TBC1D9B: variants seen among roughly 807,000 people sequenced by gnomAD.
TBC1D9B encodes TBC1 domain family, member 9B (with GRAM domain).
In TBC1D9B, 87 loss-of-function variants were observed where a neutral mutation model predicts 121.1. The ratio of observed to expected loss-of-function variants is 0.72; its 90% CI spans 0.60 to 0.86. The LOEUF is 0.86. Among genes scored for constraint, TBC1D9B ranks in the 40% least tolerant of loss-of-function variants. The pLI, the probability that TBC1D9B is intolerant of heterozygous loss-of-function variation, is 0.00. For missense variants in TBC1D9B, 1,540 were observed against 1,628.6 expected, an observed-to-expected ratio of 0.95 and a Z score of 0.94; for synonymous variants, 668 against 670.1, an observed-to-expected ratio of 1.00 and a Z score of 0.05.
chr5:179,895,529 C>T (rs973647538), intron 3 of TBC1D9B, among the ~76,000 whole-genome samples: 2 of 152,192 alleles, frequency 1.3e-5, no homozygotes, highest in Admixed American at 6.5e-5. Context: ...TTTCAGGGCC[C>T]GTCCATACTC....
intron 15 of TBC1D9B, 156 bp from the exon 16 acceptor site, chr5:179,870,651 T>TCTCAGGCTG: frequency 8.7e-7 from 1 of 1,145,742 alleles, no homozygotes; most frequent in Non-Finnish European, 1.2e-6. Context: ...TCCCGAAAGC[T>TCTCAGGCTG]CTCAGGCTGT....
At chr5:179,893,110 C>T (rs1210478008) in intron 5 of TBC1D9B, 99 bp downstream of exon 5, 10 of 1,476,882 alleles carry the variant, frequency 6.8e-6, no homozygotes, top group Non-Finnish European at 9.0e-6. Flanking sequence ...TGAATGTGGA[C>T]ACCTTCTCCA....
rs1759972667 is a variant in TBC1D9B, at chr5:179,865,244, T to G, written c.3021+10A>C. On this transcript the variant is annotated intron_variant, in intron 20 of 20. Transcript: ENST00000355235. This position sits in a 1 kb window ranked among gnomAD's most constrained non-coding sequence, Gnocchi z 5.1. The stretch of plus-strand genomic sequence containing the variant: ...CAGAAATGTCTACTGTGGGCTCCAG[T>G]GGAGCCTACCTGGTTCATCTTGGGA... 1 of 1,613,674 alleles carries G rather than the reference T, an allele frequency of 6.2e-7. No individual in the cohort carries two copies. The highest frequency in any genetic ancestry group is 1.1e-5 in the South Asian group (1 of 91,086).
rs1388773271 is a variant in TBC1D9B at position 179,885,327 on chromosome 5, C to T, written c.1254+2776G>A. ...TGGAGTGGCCAGGCACGGTGGCTCA[C>T]CCCTGTAATCCCAGCACTTTGGGAG... On this transcript the variant is annotated intron_variant, in intron 7 of 20. Coordinates refer to ENST00000355235, the MANE Select transcript of TBC1D9B (RefSeq NM_015043.4). This position sits in a 1 kb window ranked among gnomAD's most constrained non-coding sequence, Gnocchi z 4.5. Among the ~76,000 whole-genome samples, 1 of 152,192 alleles carries T rather than the reference C, an allele frequency of 6.6e-6. No individual in the cohort carries two copies. The highest frequency in any genetic ancestry group is 1.5e-5 in the Non-Finnish European group (1 of 68,042).
Position 179,874,872 on chromosome 5 carries a change from C to G in TBC1D9B, c.2186+30G>C. On this transcript the variant is annotated intron_variant, in intron 12 of 20. Transcript: ENST00000355235. The surrounding 1 kb of genome is among the most constrained non-coding windows in gnomAD (Gnocchi z 4.3). ...CTGGTGAGGGGTTCTGCTGTGAGCC[C>G]CCAGCAGGAGAAGGAACCCGGCATG... is the stretch of plus-strand genomic sequence containing the variant. 1 of 1,606,634 alleles carries G rather than the reference C, an allele frequency of 6.2e-7. No homozygotes were observed. The highest frequency in any genetic ancestry group is 8.5e-7 in the Non-Finnish European group (1 of 1,177,348).
At chr5:179,899,898 G>C (rs1761120424) in intron 2 of TBC1D9B, among the ~76,000 whole-genome samples, 1 of 152,148 alleles carries the variant, frequency 6.6e-6, no homozygotes, top group East Asian at 1.9e-4. Context: ...GGAGGGAGGG[G>C]GTCCCTGTCC....
intron 18 of TBC1D9B, 143 bp from the exon 19 acceptor site, chr5:179,866,031 C>T (rs141354644): frequency 1.0e-6 from 1 of 966,896 alleles, no homozygotes; most frequent in Non-Finnish European, 1.6e-6. Flanking sequence ...CCATGCCACA[C>T]CTCCTGCCTG....
intron 7 of TBC1D9B, 132 bp downstream of exon 7, chr5:179,887,971 C>T: frequency 1.0e-5 from 12 of 1,147,846 alleles, no homozygotes; most frequent in Non-Finnish European, 1.5e-5. Context: ...CTCTTGCCAG[C>T]TCTGACACAT....
chr5:179,899,971 T>C (rs1761122560), intron 2 of TBC1D9B, among the ~76,000 whole-genome samples: 1 of 152,110 alleles, frequency 6.6e-6, no homozygotes, highest in Non-Finnish European at 1.5e-5. Context: ...GTCTCATGCC[T>C]GTAATCCCAG....
At chr5:179,883,265 T>C (rs1016639013) in intron 7 of TBC1D9B, among the ~76,000 whole-genome samples, 3 of 152,240 alleles carry the variant, frequency 2.0e-5, no homozygotes, top group Admixed American at 2.0e-4. Context: ...CCTTCCACTA[T>C]ACAAGTTCAA....
chr5:179,870,213 T>C (rs1391727286), intron 16 of TBC1D9B, 42 bp downstream of exon 16: 1 of 1,606,430 alleles, frequency 6.2e-7, no homozygotes, highest in African/African-American at 1.3e-5. Context: ...TGGGAAAGGG[T>C]GAGGGAGGGT....
intron 3 of TBC1D9B, among the ~76,000 whole-genome samples, chr5:179,894,978 C>A (rs1760980190): frequency 6.6e-6 from 1 of 152,226 alleles, no homozygotes; most frequent in Admixed American, 6.5e-5. Context: ...CCTCCTGCCT[C>A]AGCCTCCCAA....
At chr5:179,872,836 G>A in intron 14 of TBC1D9B, 56 bp downstream of exon 14, 1 of 1,563,100 alleles carries the variant, frequency 6.4e-7, no homozygotes. Context: ...GCTCTGTGGG[G>A]AAGGCACTGC....
At chr5:179,898,026 T>C (rs1289137029) in intron 3 of TBC1D9B, among the ~76,000 whole-genome samples, 7 of 152,098 alleles carry the variant, frequency 4.6e-5, no homozygotes, top group African/African-American at 9.7e-5. Flanking sequence ...AAAAGACATA[T>C]ACATTCAGGC....
rs552586536 is a variant in TBC1D9B at position 179,872,997 on chromosome 5, G to A, written c.2317-7C>T. On this transcript the variant is annotated splice_polypyrimidine_tract_variant and splice_region_variant and intron_variant, in intron 13 of 20. Coordinates refer to ENST00000355235, the MANE Select transcript of TBC1D9B (RefSeq NM_015043.4). The stretch of plus-strand genomic sequence containing the variant: ...CCCTCAGGCTGCTGAATTTCTATAG[G>A]GAGAGGTGACTTGGTGAGATCAAGC... 5 of 1,614,012 alleles carry A rather than the reference G, an allele frequency of 3.1e-6. No homozygotes were observed. The highest frequency in any genetic ancestry group is 1.7e-5 in the Admixed American group (1 of 60,030).
intron 20 of TBC1D9B, among the ~76,000 whole-genome samples, chr5:179,864,731 C>A (rs1479357406): frequency 6.6e-6 from 1 of 152,234 alleles, no homozygotes; most frequent in Non-Finnish European, 1.5e-5. Flanking sequence ...GCAGGGTCCC[C>A]TACTGGGCAC....
At position 179,874,240 on chromosome 5, in the gene TBC1D9B, G is replaced by A. The variant is rs1340887544; in HGVS notation, c.2186+662C>T. ...TACAGAGGACCCAGGGAAGGGGCAG[G>A]GCCAGGTCTGATCAGAGTCATGGGA... On this transcript the variant is annotated intron_variant, in intron 12 of 20. Transcript: ENST00000355235. This position sits in a 1 kb window ranked among gnomAD's most constrained non-coding sequence, Gnocchi z 4.3. 2.0e-5 allele frequency among the ~76,000 whole-genome samples: 3 copies of A among 152,150 alleles called. No homozygotes were observed. The highest frequency in any genetic ancestry group is 2.1e-4 in the South Asian group (1 of 4,828).
In TBC1D9B at chr5:179,862,112, C is replaced by T. The variant is rs1038385052; in HGVS notation, c.*1336G>A. ...ACATTTTATTATTAGTTATTGTTGT[C>T]AATCTCTTAAGGTGCCTAATTCATA... is the stretch of plus-strand genomic sequence containing the variant. On this transcript the variant is annotated 3_prime_UTR_variant, in exon 21 of 21. Transcript: ENST00000355235. The T allele has an allele frequency of 4.3e-5, 7 of 163,644 alleles. No individual in the cohort carries two copies. The East Asian group carries it at 1.1e-3, about 26-fold the overall frequency. The allele number at this position is 163,644 out of a possible 1,614,324, so 10.1% of individuals were successfully genotyped here.
chr5:179,889,216 A>G (rs1329560259), intron 6 of TBC1D9B, among the ~76,000 whole-genome samples: 1 of 151,932 alleles, frequency 6.6e-6, no homozygotes, highest in East Asian at 1.9e-4. Flanking sequence ...TTTTTAGTAG[A>G]GACGGGTTTC....
Sources: gnomAD v4.1 joint callset for allele counts (sites outside exome capture counted in the v4.1 genomes callset) on GRCh38, gnomAD v4.1.1 for gene constraint, Gnocchi (gnomAD v3.1) non-coding constraint, MANE v1.5 for transcripts, NCBI Gene and HGNC (gene_info 2026-07-23, HGNC 2026-07-21) for gene names.